Variants in SEPTIN3 observed in about 807,000 individuals in gnomAD.
The protein encoded by SEPTIN3 is neuronal-specific septin-3.
A neutral mutation model predicts 45.1 loss-of-function variants in SEPTIN3; 15 were observed. The observed-to-expected ratio is 0.33, with a 90% CI of 0.22 to 0.51. The LOEUF (loss-of-function observed/expected upper bound fraction) is 0.51, where lower values mean the gene tolerates loss of function less well. Ranked by LOEUF, SEPTIN3 falls within the 20% of genes least tolerant of loss-of-function variation. The pLI is 0.97. For synonymous variants in SEPTIN3, 148 were observed against 164.8 expected (o/e 0.90, Z 0.78); for missense variants, 289 against 457.2 (o/e 0.63, Z 3.35).
At position 41,994,459 on chromosome 22, in the gene SEPTIN3, A is replaced by G; in HGVS notation, c.2411+118A>G. ...TCTCTCTGACAGAGCTTTCTGCCCC[A>G]GTTCCAGCTCCTGTTGCAAAATGGA... On this transcript the variant is annotated intron_variant, in intron 10 of 11. Coordinates refer to ENST00000644076, the MANE Select transcript of SEPTIN3 (RefSeq NM_001363845.2). The surrounding 1 kb of genome is among the most constrained non-coding windows in gnomAD (Gnocchi z 4.2). 3.3e-6 allele frequency: 5 copies of G among 1,500,912 alleles called. No homozygotes were observed. The highest frequency in any genetic ancestry group is 4.6e-6 in the Non-Finnish European group (5 of 1,089,610). 93.0% of individuals were successfully genotyped at this position (1,500,912 alleles called of 1,614,324 possible).
At chr22:41,984,064 C>T (rs962404234) in intron 3 of SEPTIN3, among the ~76,000 whole-genome samples, 2 of 152,168 alleles carry the variant, frequency 1.3e-5, no homozygotes, top group African/African-American at 4.8e-5. Flanking sequence ...AGTCATGGCA[C>T]GTGTTCAGTG....
In SEPTIN3 at chr22:41,976,463, T is replaced by G. The variant is rs991514574; in HGVS notation, c.1504+3467T>G. 2.6e-5 allele frequency: 4 copies of G among 152,260 alleles called. No homozygotes were observed. The highest frequency in any genetic ancestry group is 9.7e-5 in the African/African-American group (4 of 41,442). 9.4% of individuals were successfully genotyped at this position (152,260 alleles called of 1,614,324 possible). On this transcript the variant is annotated intron_variant, in intron 2 of 11. Transcript: ENST00000644076. This position sits in a 1 kb window ranked among gnomAD's most constrained non-coding sequence, Gnocchi z 5.8. ...AGGGCCTGGAACCCGGGCCCCTGACTCGGCTCTACAGGCACCCGCGCAACA... is the reference window on the plus strand; with the variant it reads ...AGGGCCTGGAACCCGGGCCCCTGACGCGGCTCTACAGGCACCCGCGCAACA...
chr22:41,988,483 G>A (rs2078246145), intron 6 of SEPTIN3, among the ~76,000 whole-genome samples: 1 of 152,164 alleles, frequency 6.6e-6, no homozygotes, highest in South Asian at 2.1e-4. Flanking sequence ...AAGCTCTTCA[G>A]AGGATGGCAC....
Position 41,994,608 on chromosome 22 carries a change from C to G in SEPTIN3, c.2412-13C>G. The G allele has an allele frequency of 6.2e-7, 1 of 1,614,034 alleles. No individual in the cohort carries two copies. The highest frequency in any genetic ancestry group is 1.1e-5 in the South Asian group (1 of 91,064). ...TAATTGCAGCCCTCTTCTTCTCACC[C>G]TGTGTCCTCTAGGACCCACCTCCAG... On this transcript the variant is annotated splice_polypyrimidine_tract_variant and intron_variant, in intron 10 of 11. Coordinates refer to ENST00000644076, the MANE Select transcript of SEPTIN3 (RefSeq NM_001363845.2). This position sits in a 1 kb window ranked among gnomAD's most constrained non-coding sequence, Gnocchi z 4.2.
At chr22:41,984,263 G>C (rs1465536987) in intron 3 of SEPTIN3, among the ~76,000 whole-genome samples, 2 of 151,462 alleles carry the variant, frequency 1.3e-5, no homozygotes, top group Admixed American at 1.3e-4. Context: ...AATGCAGGTG[G>C]GTCTGGAACT....
At chr22:41,977,048 G>C (rs1238964577) in intron 2 of SEPTIN3, 4 of 1,600,600 alleles carry the variant, frequency 2.5e-6, no homozygotes, top group African/African-American at 2.7e-5. Context: ...TGGAGGAACG[G>C]AGACAAAGGA....
chr22:41,994,819 C>A lies in SEPTIN3; in HGVS notation c.2505+105C>A, dbSNP rs957357297. 14 of 1,606,868 alleles carry A rather than the reference C, an allele frequency of 8.7e-6. No homozygotes were observed. Among genetic ancestry groups the A allele is most frequent in the Admixed American group, 8.3e-5 (5 of 59,902 alleles). On this transcript the variant is annotated intron_variant, in intron 11 of 11. Transcript: ENST00000644076. This position sits in a 1 kb window ranked among gnomAD's most constrained non-coding sequence, Gnocchi z 4.2. ...CACACACACATCCCAAATACCACCA[C>A]CAACCACCTTCTTCCTCTCAACTCT...
intron 11 of SEPTIN3, chr22:41,995,907 A>C (rs952547357): frequency 1.0e-5 from 10 of 970,720 alleles, no homozygotes; most frequent in Admixed American, 6.2e-5. Flanking sequence ...ATTCTAAAGA[A>C]GTATCAGAAA....
At chr22:41,984,828 C>T (rs1464589349) in intron 3 of SEPTIN3, among the ~76,000 whole-genome samples, 2 of 148,146 alleles carry the variant, frequency 1.4e-5, no homozygotes, top group East Asian at 2.0e-4. Flanking sequence ...TGCACCTGGC[C>T]TGACCAGTGG....
intron 2 of SEPTIN3, among the ~76,000 whole-genome samples, chr22:41,979,837 T>C (rs1304861126): frequency 1.3e-5 from 2 of 151,690 alleles, no homozygotes; most frequent in Non-Finnish European, 2.9e-5. Context: ...GGTTTAGGGG[T>C]GGGAAGGGAA....
At chr22:41,971,375 C>G (rs868397873) in intron 1 of SEPTIN3, 99 bp from the exon 2 acceptor site, 1 of 397,908 alleles carries the variant, frequency 2.5e-6, no homozygotes, top group Non-Finnish European at 4.4e-6. Flanking sequence ...CCCTTCAGAC[C>G]CGGCATGCTC....
chr22:41,978,347 C>T (rs2078063790), intron 2 of SEPTIN3, among the ~76,000 whole-genome samples: 1 of 152,190 alleles, frequency 6.6e-6, no homozygotes, highest in Non-Finnish European at 1.5e-5. Flanking sequence ...TAAGACACGG[C>T]CCCGCCCTAA....
intron 1 of SEPTIN3, among the ~76,000 whole-genome samples, chr22:41,970,048 G>T (rs1266051122): frequency 1.1e-4 from 17 of 151,916 alleles, no homozygotes; most frequent in Admixed American, 1.1e-3. Flanking sequence ...TGTGAGGGGT[G>T]ATGCCTTCCC....
intron 9 of SEPTIN3, among the ~76,000 whole-genome samples, chr22:41,993,181 T>A (rs1404939261): frequency 2.6e-5 from 4 of 152,230 alleles, no homozygotes; most frequent in Non-Finnish European, 5.9e-5. Context: ...ACTTTAATGA[T>A]TTCATTCAAT....
Position 41,976,880 on chromosome 22 carries a change from G to A in SEPTIN3, c.1504+3884G>A, listed in dbSNP as rs1255587767. The A allele has an allele frequency of 5.7e-6, 1 of 176,814 alleles. No individual in the cohort carries two copies. Among genetic ancestry groups the A allele is most frequent in the African/African-American group, 2.4e-5 (1 of 41,320 alleles). The allele number at this position is 176,814 out of a possible 1,614,324, so 11.0% of individuals were successfully genotyped here. ...CGAGCCGAGGCGAGGTCCCGGGGAG[G>A]GCGCGGCGGCGCGGGGCGCAGGGGC... On this transcript the variant is annotated intron_variant, in intron 2 of 11. Transcript: ENST00000644076. This position sits in a 1 kb window ranked among gnomAD's most constrained non-coding sequence, Gnocchi z 5.8.
chr22:41,970,512 G>A lies in SEPTIN3; in HGVS notation c.-20+835G>A, dbSNP rs183372235. Among the ~76,000 whole-genome samples the A allele has an allele frequency of 1.6e-3, 251 of 152,180 alleles. 2 individuals are homozygous for A. In the Middle Eastern group the frequency reaches 0.024, roughly 14 times the overall value. The stretch of plus-strand genomic sequence containing the variant: ...CCTCTGTCACACTGCCCGAGTGGCC[G>A]TTCCCACCTACAGATCGGAATGGGT... On this transcript the variant is annotated intron_variant, in intron 1 of 11. Coordinates refer to ENST00000644076, the MANE Select transcript of SEPTIN3 (RefSeq NM_001363845.2).
intron 11 of SEPTIN3, chr22:41,996,344 G>C (rs2078437020): frequency 1.0e-6 from 1 of 985,410 alleles, no homozygotes; most frequent in Non-Finnish European, 1.2e-6. Flanking sequence ...AAAACACTAA[G>C]TGAAACTGTT....
At chr22:41,983,838 C>T (rs1236048751) in intron 3 of SEPTIN3, among the ~76,000 whole-genome samples, 1 of 152,222 alleles carries the variant, frequency 6.6e-6, no homozygotes, top group Non-Finnish European at 1.5e-5. Context: ...CTATAATTGT[C>T]TGCTTATGTT....
At position 41,994,259 on chromosome 22, in the gene SEPTIN3, C is replaced by A; in HGVS notation, c.2360-31C>A. 6.2e-7 allele frequency: 1 copy of A among 1,610,528 alleles called. No individual in the cohort carries two copies. Among genetic ancestry groups the A allele is most frequent in the Non-Finnish European group, 8.5e-7 (1 of 1,178,064 alleles). Reference sequence around the variant, plus strand: ...TGTTGCTGTATTAATGAACTGACTACCTGTTTTGCTTTGTTTTGTTTTGTT... The same window carrying A: ...TGTTGCTGTATTAATGAACTGACTAACTGTTTTGCTTTGTTTTGTTTTGTT... On this transcript the variant is annotated intron_variant, in intron 9 of 11. Coordinates refer to ENST00000644076, the MANE Select transcript of SEPTIN3 (RefSeq NM_001363845.2). This position sits in a 1 kb window ranked among gnomAD's most constrained non-coding sequence, Gnocchi z 4.2.
Sources: gnomAD v4.1 joint callset for allele counts (sites outside exome capture counted in the v4.1 genomes callset) on GRCh38, gnomAD v4.1.1 for gene constraint, Gnocchi (gnomAD v3.1) non-coding constraint, MANE v1.5 for transcripts, NCBI Gene and HGNC (gene_info 2026-07-23, HGNC 2026-07-21) for gene names.